HEATR5B: variants seen among roughly 807,000 people sequenced by gnomAD.
The protein encoded by HEATR5B is HEAT repeat containing 5B, also known as HEAT repeat-containing protein 5B.
In HEATR5B, 156 loss-of-function variants were observed where a neutral mutation model predicts 224.1. The ratio of observed to expected loss-of-function variants is 0.70; its 90% confidence interval spans 0.61 to 0.80. The LOEUF (loss-of-function observed/expected upper bound fraction) is 0.80, where lower values mean the gene tolerates loss of function less well. Ranked by LOEUF, HEATR5B falls within the 30% of genes least tolerant of loss-of-function variation. The pLI, the probability that HEATR5B is intolerant of heterozygous loss-of-function variation, is 0.00. For missense variants in HEATR5B, 2,323 were observed against 2,535.5 expected, an observed-to-expected ratio of 0.92 and a Z score of 1.80; for synonymous variants, 1,027 against 893.0, an observed-to-expected ratio of 1.15 and a Z score of -2.68.
chr2:37,017,687 C>CAAAAA (rs1056240189), intron 26 of HEATR5B, among the ~76,000 whole-genome samples: 62 of 61,504 alleles, frequency 1.0e-3, no homozygotes, highest in Middle Eastern at 0.013. Context: ...AATTCCGTCT[C>CAAAAA]AAAAAAAAAA....
chr2:37,005,206 G>C (rs962556886), intron 30 of HEATR5B, among the ~76,000 whole-genome samples: 1 of 152,014 alleles, frequency 6.6e-6, no homozygotes, highest in African/African-American at 2.4e-5. Context: ...CCTAGTGTTC[G>C]TATTTGCTAT....
At chr2:37,011,027 A>C (rs1374420671) in intron 27 of HEATR5B, among the ~76,000 whole-genome samples, 1 of 152,190 alleles carries the variant, frequency 6.6e-6, no homozygotes, top group African/African-American at 2.4e-5. Context: ...ATTTGGCTTT[A>C]ATTATTTATC....
At chr2:36,989,000 GAGT>G in intron 34 of HEATR5B, 141 bp from the exon 35 acceptor site, 2 of 632,198 alleles carry the variant, frequency 3.2e-6, no homozygotes, top group South Asian at 2.1e-5. Context: ...TAGAGAAATG[GAGT>G]AGAATAGAAT....
In HEATR5B at chr2:37,003,602, C is replaced by T. The variant is rs777728937; in HGVS notation, c.4990G>A (p.Val1664Ile). Residue 1664 changes from valine to isoleucine, a missense_variant, in exon 31 of 36, where the codon GTT becomes ATT. Val to Ile is a conservative substitution (Grantham distance 29). Transcript: ENST00000233099. ...PSSVQLLVTG[V>I]VQQIVRAAQD... is the part of the protein sequence containing the mutation. ...GCAGCTCTTACTATCTGTTGTACAA[C>T]TCCAGTAACCAACAGCTGGACAGAT... 1.2e-6 allele frequency: 2 copies of T among 1,612,452 alleles called. No individual in the cohort carries two copies. The highest frequency in any genetic ancestry group is 1.7e-5 in the Admixed American group (1 of 59,974).
At chr2:37,070,520 T>A (rs1329643129) in intron 6 of HEATR5B, 133 bp from the exon 7 acceptor site, 20 of 705,432 alleles carry the variant, frequency 2.8e-5, no homozygotes, top group Non-Finnish European at 4.2e-5. Flanking sequence ...ATTGTTTTCT[T>A]AAAATTTTCA....
intron 25 of HEATR5B, 34 bp from the exon 26 acceptor site, chr2:37,019,911 T>G: frequency 1.3e-6 from 2 of 1,494,008 alleles, no homozygotes; most frequent in Non-Finnish European, 1.8e-6. Context: ...TATTTTTTAC[T>G]TTTATTTTTT....
At chr2:37,076,874 A>G in intron 4 of HEATR5B, 37 bp downstream of exon 4, 2 of 1,478,826 alleles carry the variant, frequency 1.4e-6, no homozygotes, top group Non-Finnish European at 9.4e-7. Flanking sequence ...CTCTTGCCAC[A>G]AGCAAATATT....
At chr2:37,015,535 G>A (rs1049687794) in intron 26 of HEATR5B, among the ~76,000 whole-genome samples, 5 of 152,126 alleles carry the variant, frequency 3.3e-5, no homozygotes, top group African/African-American at 9.7e-5. Context: ...TTTAGGGGGC[G>A]GGTGAAGGGA....
intron 33 of HEATR5B, 41 bp downstream of exon 33, chr2:37,000,545 C>T (rs765454036): frequency 2.7e-6 from 4 of 1,483,076 alleles, no homozygotes; most frequent in Non-Finnish European, 3.8e-6. Flanking sequence ...TTAGGGAACA[C>T]ATATCCTAAC....
chr2:37,040,598 G>A, intron 19 of HEATR5B, 80 bp from the exon 20 acceptor site: 1 of 966,030 alleles, frequency 1.0e-6, no homozygotes, highest in East Asian at 2.7e-5. Context: ...TTGTTACATG[G>A]GTATACTCTT....
chr2:37,077,041 C>T (rs1455023053), intron 3 of HEATR5B, 22 bp from the exon 4 acceptor site: 14 of 1,523,222 alleles, frequency 9.2e-6, no homozygotes, highest in Non-Finnish European at 1.3e-5. Context: ...GACAACTTCA[C>T]TAGTCATTGT....
intron 3 of HEATR5B, among the ~76,000 whole-genome samples, chr2:37,078,425 T>A (rs759290538): frequency 2.0e-5 from 3 of 152,236 alleles, no homozygotes; most frequent in Non-Finnish European, 4.4e-5. Flanking sequence ...TATGAATGTA[T>A]AATCAATTCT....
At chr2:37,000,475 C>CT in intron 33 of HEATR5B, 111 bp downstream of exon 33, 1 of 780,398 alleles carries the variant, frequency 1.3e-6, no homozygotes, top group Non-Finnish European at 2.2e-6. Context: ...ACATACCTCT[C>CT]TGAGATGATT....
chr2:37,034,535 C>G (rs1669352485), intron 21 of HEATR5B, among the ~76,000 whole-genome samples: 1 of 141,024 alleles, frequency 7.1e-6, no homozygotes, highest in African/African-American at 2.6e-5. Context: ...ATGGCGTGAA[C>G]CCGGGAGGCG....
intron 27 of HEATR5B, among the ~76,000 whole-genome samples, chr2:37,012,141 T>C (rs1317657172): frequency 1.3e-5 from 2 of 152,172 alleles, no homozygotes; most frequent in Non-Finnish European, 2.9e-5. Context: ...TCAGATACAA[T>C]GCTGTTACCA....
chr2:37,037,145 G>GATATATAT lies in HEATR5B; in HGVS notation c.3216+702_3216+709dup, dbSNP rs1553431138. Among the ~76,000 whole-genome samples the GATATATAT allele has an allele frequency of 9.3e-4, 83 of 89,198 alleles. 10 individuals carry two copies. The highest frequency in any genetic ancestry group is 1.6e-3 in the African/African-American group (42 of 26,432). The allele number at this position is 89,198 out of a possible 152,430, so 58.5% of individuals were successfully genotyped here. The stretch of plus-strand genomic sequence containing the variant: ...TTCCGAGTAGGAAAACTAAAAATGT[G>GATATATAT]ATATATATATATATTTTGGAGATGG... On this transcript the variant is annotated intron_variant, in intron 21 of 35. Transcript: ENST00000233099.
At chr2:36,995,943 T>C (rs972850074) in intron 33 of HEATR5B, among the ~76,000 whole-genome samples, 1 of 152,120 alleles carries the variant, frequency 6.6e-6, no homozygotes, top group African/African-American at 2.4e-5. Flanking sequence ...TGGAGTGCAG[T>C]GGTGCGATCT....
Position 37,041,184 on chromosome 2 carries a change from A to G in HEATR5B, c.2805T>C (p.Ser935=). Reference sequence around the variant, plus strand: ...GTGCTAGAGCCAATAAAATGCTGACACTGGTCTTCAGATGTTGTCCTGAGC... The same window carrying G: ...GTGCTAGAGCCAATAAAATGCTGACGCTGGTCTTCAGATGTTGTCCTGAGC... ...GIGSGQHLKT[S]VSILLALAQD... The change falls in exon 19 of 36, where the codon AGT becomes AGC. Residue 935 remains serine (S), a synonymous_variant. Transcript: ENST00000233099. 6.2e-7 allele frequency: 1 copy of G among 1,614,156 alleles called. No individual in the cohort carries two copies. The highest frequency in any genetic ancestry group is 2.2e-5 in the East Asian group (1 of 44,878).
intron 10 of HEATR5B, among the ~76,000 whole-genome samples, chr2:37,062,318 T>C (rs937115608): frequency 6.6e-6 from 1 of 151,962 alleles, no homozygotes; most frequent in African/African-American, 2.4e-5. Flanking sequence ...TAGTCCCAGC[T>C]ATTTGGGAGG....
Sources: allele counts gnomAD v4.1 joint callset (sites outside exome capture counted in the v4.1 genomes callset), GRCh38; gene constraint gnomAD v4.1.1; transcripts MANE v1.5; gene names NCBI Gene and HGNC (gene_info 2026-07-23, HGNC 2026-07-21).